The following DNAH6 variants were observed in gnomAD, a reference collection of about 807,000 sequenced individuals.
DNAH6 encodes the protein axonemal beta dynein heavy chain 6.
A neutral mutation model predicts 491.4 loss-of-function variants in DNAH6; 340 were observed. The ratio of observed to expected loss-of-function variants is 0.69; its 90% CI spans 0.63 to 0.76. The LOEUF (loss-of-function observed/expected upper bound fraction) is 0.76. DNAH6 is among the 30% of genes least tolerant of loss of function. DNAH6 has a pLI of 0.00. For synonymous variants in DNAH6, 1,603 were observed against 1,686.1 expected (o/e 0.95, Z 1.21); for missense variants, 4,443 against 4,972.2 (o/e 0.89, Z 3.20).
intron 7 of DNAH6, 129 bp downstream of exon 7, chr2:84,547,741 T>A (rs1678917894): frequency 1.0e-6 from 1 of 997,140 alleles, no homozygotes; most frequent in East Asian, 2.6e-5. Context: ...ATTTGATGGA[T>A]ATTATAAATT....
At chr2:84,593,223 C>G (rs1684273518) in intron 16 of DNAH6, among the ~76,000 whole-genome samples, 1 of 152,188 alleles carries the variant, frequency 6.6e-6, no homozygotes, top group African/African-American at 2.4e-5. Flanking sequence ...TCCTGATTGT[C>G]TCTGATCTAG....
At chr2:84,808,934 G>A (rs1211045976) in intron 72 of DNAH6, among the ~76,000 whole-genome samples, 1 of 152,182 alleles carries the variant, frequency 6.6e-6, no homozygotes, top group Non-Finnish European at 1.5e-5. Flanking sequence ...CAAAGTGTGG[G>A]CCACAGAATG....
chr2:84,676,372 C>G (rs999962225), intron 40 of DNAH6, among the ~76,000 whole-genome samples: 4 of 152,150 alleles, frequency 2.6e-5, no homozygotes, highest in Non-Finnish European at 4.4e-5. Flanking sequence ...TGCTAAAGTG[C>G]TGTCTACTAT....
At chr2:84,768,324 A>G (rs1675284497) in intron 64 of DNAH6, among the ~76,000 whole-genome samples, 1 of 152,052 alleles carries the variant, frequency 6.6e-6, no homozygotes, top group Non-Finnish European at 1.5e-5. Context: ...TAATAAAACT[A>G]AAAAATTCCT....
chr2:84,745,093 T>C lies in DNAH6; in HGVS notation c.10356T>C (p.Thr3452=). The change falls in exon 63 of 77, where the codon ACT becomes ACC. Residue 3452 remains threonine (T), a synonymous_variant. Transcript: ENST00000389394. ...TTGTATTTCCAGGATCTTTTGAGACTTATATTAACCCACAGAAATGGGAAG... is the reference window on the plus strand; with the variant it reads ...TTGTATTTCCAGGATCTTTTGAGACCTATATTAACCCACAGAAATGGGAAG... ...PISIRLGSFE[T]YINPQKWEGY... The C allele has an allele frequency of 6.6e-7, 1 of 1,515,494 alleles. No individual in the cohort carries two copies. Among genetic ancestry groups the C allele is most frequent in the Non-Finnish European group, 8.8e-7 (1 of 1,131,410 alleles). 93.9% of individuals were successfully genotyped at this position (1,515,494 alleles called of 1,614,324 possible).
intron 68 of DNAH6, among the ~76,000 whole-genome samples, chr2:84,791,901 G>C (rs1259638443): frequency 1.3e-5 from 2 of 151,440 alleles, no homozygotes; most frequent in Non-Finnish European, 2.9e-5. Context: ...GGATATCAAA[G>C]ATGACATAGT....
chr2:84,486,193 T>C, the DNAH6 span, among the ~76,000 whole-genome samples: 1 of 152,168 alleles, frequency 6.6e-6, no homozygotes, highest in Non-Finnish European at 1.5e-5. Context: ...ATGAAAAACA[T>C]TAGTTTATCC....
intron 63 of DNAH6, among the ~76,000 whole-genome samples, chr2:84,748,182 T>C (rs1301656199): frequency 2.0e-5 from 3 of 151,926 alleles, no homozygotes; most frequent in Non-Finnish European, 4.4e-5. Flanking sequence ...AAGTGGTTGT[T>C]CTGCAGGCCT....
At chr2:84,466,429 T>A in the DNAH6 span, among the ~76,000 whole-genome samples, 1 of 152,214 alleles carries the variant, frequency 6.6e-6, no homozygotes, top group Non-Finnish European at 1.5e-5. Flanking sequence ...TTTGGAGAAA[T>A]CAGGTAGAGA....
rs1304087487 is a variant in DNAH6, at chr2:84,579,766, G to A, written c.2229+87G>A. On this transcript the variant is annotated intron_variant, in intron 14 of 76. Transcript: ENST00000389394. ...GACAAGAAAAAGTGAAGGACTAAGG[G>A]GCAAAAGACAGCTGTCAAATATCAG... 3.5e-6 allele frequency: 4 copies of A among 1,150,158 alleles called. No individual in the cohort carries two copies. In the South Asian group the frequency reaches 6.6e-5, roughly 19 times the overall value. 71.2% of individuals were successfully genotyped at this position (1,150,158 alleles called of 1,614,324 possible).
rs114238926 is a variant in DNAH6, at chr2:84,752,279, T to C, written c.10512+7030T>C. Among the ~76,000 whole-genome samples the C allele has an allele frequency of 7.5e-3, 1,148 of 152,318 alleles. 16 individuals carry two copies. The highest frequency in any genetic ancestry group is 0.026 in the African/African-American group (1,071 of 41,564). On this transcript the variant is annotated intron_variant, in intron 63 of 76. Coordinates refer to ENST00000389394, the MANE Select transcript of DNAH6 (RefSeq NM_001370.2). The stretch of plus-strand genomic sequence containing the variant: ...GCTGACTATTTATTTAAGCAGAATA[T>C]CCCATGGAAGAAAATTCCCCAAAAG...
chr2:84,754,527 T>C (rs1272791747), intron 63 of DNAH6, among the ~76,000 whole-genome samples: 1 of 152,204 alleles, frequency 6.6e-6, no homozygotes, highest in Non-Finnish European at 1.5e-5. Flanking sequence ...ACAGCATCAT[T>C]TGTTGAAAGA....
the DNAH6 span, among the ~76,000 whole-genome samples, chr2:84,461,219 A>G: frequency 1.3e-5 from 2 of 152,262 alleles, no homozygotes; most frequent in African/African-American, 2.4e-5. Flanking sequence ...ATGCACACTT[A>G]CAAGTAAACA....
Position 84,659,092 on chromosome 2 carries a change from G to T in DNAH6, c.6007G>T (p.Gly2003Ter). Residue 2003 changes from glycine to a stop codon, truncating the protein, a stop_gained, in exon 37 of 77, where the codon GGA (glycine) becomes TGA (stop). Transcript: ENST00000389394. LOFTEE classifies it high-confidence loss of function. ...FVFCYLWSLGGNLTENYYDSF... is the reference protein window; with the variant it reads ...FVFCYLWSLG ...ATTCTGTTATTTGTGGTCTTTGGGT[G>T]GAAACCTAACTGAAAACTACTATGA... 6.6e-7 allele frequency: 1 copy of T among 1,508,738 alleles called. No individual in the cohort carries two copies. Among genetic ancestry groups the T allele is most frequent in the Non-Finnish European group, 9.0e-7 (1 of 1,113,252 alleles). The allele number at this position is 1,508,738 out of a possible 1,614,324, so 93.5% of individuals were successfully genotyped here.
chr2:84,616,212 G>T (rs1187639529), intron 22 of DNAH6, among the ~76,000 whole-genome samples: 1 of 151,978 alleles, frequency 6.6e-6, no homozygotes, highest in Non-Finnish European at 1.5e-5. Context: ...TTGTTCTAGG[G>T]TATAGTTTAA....
intron 48 of DNAH6, among the ~76,000 whole-genome samples, chr2:84,700,361 T>A (rs186705659): frequency 1.8e-3 from 270 of 152,044 alleles, no homozygotes; most frequent in Non-Finnish European, 2.1e-3. Context: ...TGCAGGTAGG[T>A]AGGAAGATGT....
intron 61 of DNAH6, among the ~76,000 whole-genome samples, chr2:84,729,426 TGCCCTGTGTGTTTTC>T (rs1698941713): frequency 6.6e-6 from 1 of 152,206 alleles, no homozygotes; most frequent in Non-Finnish European, 1.5e-5. Flanking sequence ...AGCCAGGCCC[TGCCCTGTGTGTTTTC>T]GCCCTTCCTT....
intron 2 of DNAH6, among the ~76,000 whole-genome samples, chr2:84,524,999 A>G (rs1404013911): frequency 1.3e-5 from 2 of 152,068 alleles, no homozygotes; most frequent in African/African-American, 2.4e-5. Context: ...TTCTTATCCC[A>G]GTATATGAGA....
At chr2:84,607,355 A>G (rs1191123316) in intron 21 of DNAH6, among the ~76,000 whole-genome samples, 4 of 152,222 alleles carry the variant, frequency 2.6e-5, no homozygotes, top group Admixed American at 6.5e-5. Flanking sequence ...CCAAACCACC[A>G]TGATAACCCA....
Sources: gnomAD v4.1 joint callset for allele counts (sites outside exome capture counted in the v4.1 genomes callset) on GRCh38, gnomAD v4.1.1 for gene constraint, MANE v1.5 for transcripts, NCBI Gene and HGNC (gene_info 2026-07-23, HGNC 2026-07-21) for gene names.